TFPT: variants seen among roughly 807,000 people sequenced by gnomAD.
TFPT encodes INO80 complex subunit F.
A neutral mutation model predicts 28.8 loss-of-function variants in TFPT; 27 were observed. The observed-to-expected ratio is 0.94, with a 90% confidence interval of 0.69 to 1.29. The LOEUF (loss-of-function observed/expected upper bound fraction) is 1.29. TFPT is among the 50% of genes most tolerant of loss of function. TFPT has a pLI of 0.00. For synonymous variants in TFPT, 152 were observed against 142.8 expected (o/e 1.06, Z -0.46); for missense variants, 330 against 338.0 (o/e 0.98, Z 0.19).
intron 2 of TFPT, among the ~76,000 whole-genome samples, chr19:54,112,096 A>G (rs1266591013): frequency 2.0e-5 from 3 of 151,312 alleles, no homozygotes; most frequent in Non-Finnish European, 4.4e-5. Flanking sequence ...TGAGACCCCA[A>G]CACTCAAAAA....
At chr19:54,114,054 G>A (rs1322109120) in intron 2 of TFPT, among the ~76,000 whole-genome samples, 3 of 152,196 alleles carry the variant, frequency 2.0e-5, no homozygotes, top group African/African-American at 7.2e-5. Context: ...AGTTTGCAAT[G>A]GCAGCCATAG....
chr19:54,109,948 G>A, intron 3 of TFPT, 103 bp downstream of exon 3: 1 of 1,013,276 alleles, frequency 9.9e-7, no homozygotes, highest in Non-Finnish European at 1.4e-6. Flanking sequence ...TTCTCCTTGT[G>A]GCTTGTGAGG....
intron 2 of TFPT, among the ~76,000 whole-genome samples, chr19:54,111,807 CCT>C (rs1269858436): frequency 6.7e-6 from 1 of 149,214 alleles, no homozygotes; most frequent in African/African-American, 2.5e-5. Context: ...GTGGTGAAAC[CCT>C]GTCTCTACTA....
At chr19:54,108,800 T>TAA (rs1481578725) in intron 3 of TFPT, 1 of 565,566 alleles carries the variant, frequency 1.8e-6, no homozygotes, top group African/African-American at 1.9e-5. Context: ...TCACCTCTTA[T>TAA]AAACACCCCC....
In TFPT at chr19:54,108,179, T is replaced by C; in HGVS notation, c.489A>G (p.Lys163=). 1 of 1,596,280 alleles carries C rather than the reference T, an allele frequency of 6.3e-7. No homozygotes were observed. The highest frequency in any genetic ancestry group is 1.1e-5 in the South Asian group (1 of 88,790). ...TCCTTCTGGGCGGGGACAGTGTCTCTTTCTCTGGAGGCTCATTCTCCGCAT... is the reference window on the plus strand; with the variant it reads ...TCCTTCTGGGCGGGGACAGTGTCTCCTTCTCTGGAGGCTCATTCTCCGCAT... The part of the protein sequence containing the change: ...PGNAENEPPE[K]ETLSPPRRTP... The change falls in exon 5 of 6, where the codon AAA becomes AAG. Residue 163 remains lysine (K), a synonymous_variant. Coordinates refer to ENST00000391759, the MANE Select transcript of TFPT (RefSeq NM_013342.4).
Position 54,115,291 on chromosome 19 carries a change from C to G in TFPT, c.-22G>C. ...CCATCTCCGCGACCTCCGGAAGCCC[C>G]GGGCCTCAGAGCTTCCGACCTCTTC... is the stretch of plus-strand genomic sequence containing the variant. On this transcript the variant is annotated 5_prime_UTR_variant, in exon 1 of 6. Transcript: ENST00000391759. The G allele has an allele frequency of 6.2e-7, 1 of 1,613,990 alleles. No individual in the cohort carries two copies. The highest frequency in any genetic ancestry group is 8.5e-7 in the Non-Finnish European group (1 of 1,180,038).
At chr19:54,111,796 CGTG>C (rs1239486471) in intron 2 of TFPT, among the ~76,000 whole-genome samples, 4 of 150,992 alleles carry the variant, frequency 2.6e-5, no homozygotes, top group African/African-American at 9.8e-5. Flanking sequence ...ACCAGCCTAA[CGTG>C]GTGAAACCCT....
intron 2 of TFPT, among the ~76,000 whole-genome samples, chr19:54,113,820 T>C (rs2073527122): frequency 1.3e-5 from 2 of 152,168 alleles, no homozygotes; most frequent in African/African-American, 2.4e-5. Context: ...GCCTCCCTAG[T>C]AGCTGCGACT....
chr19:54,115,397 C>G lies in TFPT; in HGVS notation c.-128G>C. On this transcript the variant is annotated 5_prime_UTR_variant, in exon 1 of 6. Transcript: ENST00000391759. Reference sequence around the variant, plus strand: ...AGGACGGCGGGACGTGGCCCTAGGCCTTGTGGGAGTTGTAGTTTCCTGTTT... The same window carrying G: ...AGGACGGCGGGACGTGGCCCTAGGCGTTGTGGGAGTTGTAGTTTCCTGTTT... 7.4e-7 allele frequency: 1 copy of G among 1,348,056 alleles called. No homozygotes were observed. 83.5% of individuals were successfully genotyped at this position (1,348,056 alleles called of 1,614,324 possible).
chr19:54,115,583 C>G lies in TFPT; in HGVS notation c.-314G>C, dbSNP rs1439579023. On this transcript the variant is annotated 5_prime_UTR_variant, in exon 1 of 6. Transcript: ENST00000391759. Reference sequence around the variant, plus strand: ...ACAGCGATTCTCTGCTTAGCAGGATCGGTCCACAGCGGGACGTGAGTCCCT... The same window carrying G: ...ACAGCGATTCTCTGCTTAGCAGGATGGGTCCACAGCGGGACGTGAGTCCCT... 2.2e-5 allele frequency: 11 copies of G among 509,970 alleles called. No individual in the cohort carries two copies. The highest frequency in any genetic ancestry group is 1.9e-5 in the African/African-American group (1 of 52,198). 31.6% of individuals were successfully genotyped at this position (509,970 alleles called of 1,614,324 possible). A position where few individuals can be genotyped will look rare whatever the true frequency, so the allele number is the denominator to read the frequency against.
chr19:54,110,191 G>GC, intron 2 of TFPT, 70 bp from the exon 3 acceptor site: 1 of 1,540,610 alleles, frequency 6.5e-7, no homozygotes, highest in Non-Finnish European at 9.0e-7. Flanking sequence ...GATGTTTAAT[G>GC]GGGCACGCAC....
chr19:54,107,331 C>T (rs971631411), intron 5 of TFPT, 162 bp from the exon 6 acceptor site: 6 of 921,888 alleles, frequency 6.5e-6, no homozygotes, highest in Non-Finnish European at 9.7e-6. Flanking sequence ...TCACTGCAGC[C>T]TCTGCCTCCC....
chr19:54,114,439 T>A lies in TFPT; in HGVS notation c.282+3A>T, dbSNP rs765335763. 1.9e-6 allele frequency: 3 copies of A among 1,612,058 alleles called. No individual in the cohort carries two copies. The highest frequency in any genetic ancestry group is 2.2e-5 in the South Asian group (2 of 90,898). On this transcript the variant is annotated splice_donor_region_variant and intron_variant, in intron 2 of 5. Transcript: ENST00000391759. ...CAAAACCGGGGGATCCGCACTCACC[T>A]ACCTGCTCGATCTCCCGGCAGCGCC...
chr19:54,115,479 G>A lies in TFPT; in HGVS notation c.-210C>T. ...CCCCGAATCCCTGCTTAAAGGCCTT[G>A]CTTTCTTGTCTAACGCCGCAACCAG... On this transcript the variant is annotated 5_prime_UTR_variant, in exon 1 of 6. Coordinates refer to ENST00000391759, the MANE Select transcript of TFPT (RefSeq NM_013342.4). 1.6e-6 allele frequency: 1 copy of A among 631,578 alleles called. No individual in the cohort carries two copies. Among genetic ancestry groups the A allele is most frequent in the Non-Finnish European group, 2.7e-6 (1 of 364,366 alleles). The allele number at this position is 631,578 out of a possible 1,614,324, so 39.1% of individuals were successfully genotyped here. A position where few individuals can be genotyped will look rare whatever the true frequency, so the allele number is the denominator to read the frequency against.
In TFPT at chr19:54,112,687, G is replaced by A. The variant is rs995494039; in HGVS notation, c.282+1755C>T. Among the ~76,000 whole-genome samples, 3 of 152,062 alleles carry A rather than the reference G, an allele frequency of 2.0e-5. 1 individual carries two copies. Among genetic ancestry groups the A allele is most frequent in the Admixed American group, 2.0e-4 (3 of 15,248 alleles). ...GCCTGTAGTCCCAGCTATTTTGGGG[G>A]CTGAGGCAGGAGGACTGCTTGAACC... On this transcript the variant is annotated intron_variant, in intron 2 of 5. Coordinates refer to ENST00000391759, the MANE Select transcript of TFPT (RefSeq NM_013342.4).
intron 1 of TFPT, chr19:54,114,934 C>G: frequency 1.5e-6 from 1 of 687,374 alleles, no homozygotes; most frequent in South Asian, 2.0e-5. Flanking sequence ...CCCTGACCCC[C>G]TCCTCCCAGG....
chr19:54,108,429 TTA>T, intron 3 of TFPT, 34 bp from the exon 4 acceptor site: 1 of 1,613,980 alleles, frequency 6.2e-7, no homozygotes, highest in Non-Finnish European at 8.5e-7. Flanking sequence ...ACGGAATAAC[TTA>T]TCTCCTAGCG....
intron 5 of TFPT, 78 bp downstream of exon 5, chr19:54,107,948 T>G: frequency 2.4e-5 from 34 of 1,423,082 alleles, no homozygotes; most frequent in Non-Finnish European, 2.7e-5. Flanking sequence ...GCCCCTCCCC[T>G]TGAGTCCCCC....
At chr19:54,113,352 TAC>T (rs2073509436) in intron 2 of TFPT, among the ~76,000 whole-genome samples, 2 of 152,036 alleles carry the variant, frequency 1.3e-5, no homozygotes, top group Admixed American at 1.3e-4. Flanking sequence ...GTGATGTTTG[TAC>T]GTGCCAATGA....
Sources: allele counts gnomAD v4.1 joint callset (sites outside exome capture counted in the v4.1 genomes callset), GRCh38; gene constraint gnomAD v4.1.1; transcripts MANE v1.5; gene names NCBI Gene and HGNC (gene_info 2026-07-23, HGNC 2026-07-21).